Variants in PRKAG2 observed in about 807,000 individuals in gnomAD.
PRKAG2 encodes 5'-AMP-activated protein kinase subunit gamma-2.
A neutral mutation model predicts 69.6 loss-of-function variants in PRKAG2; 26 were observed. The ratio of observed to expected loss-of-function variants is 0.37; its 90% confidence interval spans 0.27 to 0.52. The LOEUF is 0.52. Ranked by LOEUF, PRKAG2 falls within the 20% of genes least tolerant of loss-of-function variation. PRKAG2 has a pLI of 0.90. For missense variants in PRKAG2, 557 were observed against 740.0 expected (o/e 0.75, Z 2.87); for synonymous variants, 293 against 285.0 (o/e 1.03, Z -0.28).
Position 151,846,887 on chromosome 7 carries a change from C to T in PRKAG2, c.114+29620G>A, listed in dbSNP as rs117382274. Among the ~76,000 whole-genome samples the T allele has an allele frequency of 3.7e-4, 57 of 152,340 alleles. 1 individual carries two copies. Among genetic ancestry groups the T allele is most frequent in the Non-Finnish European group, 5.9e-4 (40 of 68,034 alleles). On this transcript the variant is annotated intron_variant, in intron 1 of 15. Coordinates refer to ENST00000287878, the MANE Select transcript of PRKAG2 (RefSeq NM_016203.4). ...TGAAGAGGAGGACAGTCCACTAACACGCACAGCTGGGAATGAGATCCAGTT... is the reference window on the plus strand; with the variant it reads ...TGAAGAGGAGGACAGTCCACTAACATGCACAGCTGGGAATGAGATCCAGTT...
chr7:151,656,512 C>A (rs531879031), intron 4 of PRKAG2, among the ~76,000 whole-genome samples: 6 of 152,150 alleles, frequency 3.9e-5, no homozygotes, highest in African/African-American at 1.4e-4. Context: ...GCCAAGACTG[C>A]GCCATTGCCC....
intron 3 of PRKAG2, among the ~76,000 whole-genome samples, chr7:151,732,190 T>G (rs1481346671): frequency 9.6e-5 from 13 of 135,090 alleles, no homozygotes; most frequent in African/African-American, 3.1e-4. Flanking sequence ...CAGGCGGGAG[T>G]GCAGTGGCAT....
chr7:151,597,408 A>G (rs1814823228), intron 5 of PRKAG2, among the ~76,000 whole-genome samples: 1 of 152,238 alleles, frequency 6.6e-6, no homozygotes, highest in Non-Finnish European at 1.5e-5. Flanking sequence ...ATGGAACAAA[A>G]GCAAAAATGG....
chr7:151,574,330 T>G (rs974843239), intron 8 of PRKAG2, among the ~76,000 whole-genome samples: 1 of 152,088 alleles, frequency 6.6e-6, no homozygotes, highest in Non-Finnish European at 1.5e-5. Context: ...AGGACAAAAG[T>G]GGTTTTTAAG....
chr7:151,597,969 A>G (rs1201358358), intron 5 of PRKAG2, among the ~76,000 whole-genome samples: 1 of 152,218 alleles, frequency 6.6e-6, no homozygotes, highest in Non-Finnish European at 1.5e-5. Flanking sequence ...TATATACCCA[A>G]AGGAAATGAA....
intron 5 of PRKAG2, among the ~76,000 whole-genome samples, chr7:151,597,457 G>A (rs1448672339): frequency 1.3e-5 from 2 of 152,192 alleles, no homozygotes; most frequent in Admixed American, 6.5e-5. Context: ...CTTCTATCCT[G>A]CAAAGGAAAT....
At chr7:151,659,849 T>C (rs1830049556) in intron 4 of PRKAG2, among the ~76,000 whole-genome samples, 1 of 152,348 alleles carries the variant, frequency 6.6e-6, no homozygotes, top group Admixed American at 6.5e-5. Context: ...ATGGATTAAG[T>C]ATATATTTTC....
At chr7:151,668,929 G>C (rs775217049) in intron 4 of PRKAG2, among the ~76,000 whole-genome samples, 3 of 152,180 alleles carry the variant, frequency 2.0e-5, no homozygotes, top group Non-Finnish European at 2.9e-5. Flanking sequence ...TGACTGCTGT[G>C]GAAGGAAATT....
At position 151,688,052 on chromosome 7, in the gene PRKAG2, G is replaced by A. The variant is rs958744348; in HGVS notation, c.467-12415C>T. On this transcript the variant is annotated intron_variant, in intron 3 of 15. Transcript: ENST00000287878. ...GGAGGAGGAAATGAGGCCCCCCCCCGGGCTCCTTGCTGAGTCAGCATGGTG... is the reference window on the plus strand; with the variant it reads ...GGAGGAGGAAATGAGGCCCCCCCCCAGGCTCCTTGCTGAGTCAGCATGGTG... 1.2e-4 allele frequency among the ~76,000 whole-genome samples: 6 copies of A among 50,100 alleles called. 1 individual carries two copies. Among genetic ancestry groups the A allele is most frequent in the Non-Finnish European group, 3.2e-4 (6 of 19,012 alleles). The allele number at this position is 50,100 out of a possible 152,430, so 32.9% of individuals were successfully genotyped here.
At chr7:151,723,232 G>A (rs563931264) in intron 3 of PRKAG2, among the ~76,000 whole-genome samples, 4 of 152,266 alleles carry the variant, frequency 2.6e-5, no homozygotes, top group East Asian at 1.9e-4. Context: ...GGGGAAGAAC[G>A]GGAGAGAGGT....
At chr7:151,688,045 C>CCCCCCCG (rs1554539834) in intron 3 of PRKAG2, among the ~76,000 whole-genome samples, 3 of 107,798 alleles carry the variant, frequency 2.8e-5, no homozygotes, top group Non-Finnish European at 4.4e-5. Context: ...AAATGAGGCC[C>CCCCCCCG]CCCCCCGGGC....
At chr7:151,733,054 G>C (rs927998032) in intron 3 of PRKAG2, among the ~76,000 whole-genome samples, 1 of 152,200 alleles carries the variant, frequency 6.6e-6, no homozygotes, top group Admixed American at 6.5e-5. Context: ...GTAAGGTTTA[G>C]ACAGGCACAG....
At chr7:151,683,707 G>T (rs1242722080) in intron 3 of PRKAG2, among the ~76,000 whole-genome samples, 2 of 152,122 alleles carry the variant, frequency 1.3e-5, no homozygotes, top group Non-Finnish European at 2.9e-5. Flanking sequence ...CCGTGAGGGG[G>T]AACGGTGGCC....
At chr7:151,663,127 G>A (rs750701812) in intron 4 of PRKAG2, among the ~76,000 whole-genome samples, 5 of 152,104 alleles carry the variant, frequency 3.3e-5, no homozygotes, top group Admixed American at 6.6e-5. Context: ...TCCCTCCTCT[G>A]GAAATCATGG....
intron 4 of PRKAG2, among the ~76,000 whole-genome samples, chr7:151,667,043 T>TCAGCTCCCTGCCCAGGA (rs1831155729): frequency 6.6e-6 from 1 of 152,128 alleles, no homozygotes; most frequent in Admixed American, 6.5e-5. Flanking sequence ...TTGCCCAAGG[T>TCAGCTCCCTGCCCAGGA]CAGCTCCCTG....
rs550504480 is a variant in PRKAG2, at chr7:151,559,811, T to C, written c.1678+713A>G. The C allele has an allele frequency of 2.1e-5, 21 of 985,298 alleles. No homozygotes were observed. The African/African-American group carries it at 3.5e-4, about 16-fold the overall frequency. 61.0% of individuals were successfully genotyped at this position (985,298 alleles called of 1,614,324 possible). On this transcript the variant is annotated intron_variant, in intron 15 of 15. Transcript: ENST00000287878. ...GCCCTGACAAAGGCTGGGTTGTTCA[T>C]ATTTGACTGGGGCTGGGGAGGTGGA...
chr7:151,590,585 G>A (rs1236524305), intron 6 of PRKAG2, among the ~76,000 whole-genome samples: 2 of 152,150 alleles, frequency 1.3e-5, no homozygotes, highest in African/African-American at 2.4e-5. Context: ...TTCTTTACTC[G>A]AAAGCCCAGT....
At chr7:151,592,467 C>G (rs1432423300) in intron 6 of PRKAG2, among the ~76,000 whole-genome samples, 4 of 152,160 alleles carry the variant, frequency 2.6e-5, no homozygotes, top group Non-Finnish European at 5.9e-5. Flanking sequence ...AAAGCCAAGC[C>G]CGAGACTGCT....
intron 5 of PRKAG2, among the ~76,000 whole-genome samples, chr7:151,610,696 C>T (rs2151213481): frequency 6.7e-6 from 1 of 150,344 alleles, no homozygotes; most frequent in East Asian, 2.0e-4. Flanking sequence ...AAACAAAAAA[C>T]AAAGCCTTAG....
Sources: gnomAD v4.1 joint callset for allele counts (sites outside exome capture counted in the v4.1 genomes callset) on GRCh38, gnomAD v4.1.1 for gene constraint, MANE v1.5 for transcripts, NCBI Gene and HGNC (gene_info 2026-07-23, HGNC 2026-07-21) for gene names.